The following PDXDC1 variants were observed in gnomAD, a reference collection of about 807,000 sequenced individuals.
PDXDC1 encodes pyridoxal-dependent decarboxylase domain-containing protein 1.
PDXDC1 carries 42 observed loss-of-function variants against 100.1 expected under a neutral mutation model. The ratio of observed to expected loss-of-function variants is 0.42; its 90% confidence interval spans 0.33 to 0.54. The LOEUF (loss-of-function observed/expected upper bound fraction) is 0.54, where lower values mean the gene tolerates loss of function less well. Ranked by LOEUF, PDXDC1 falls within the 20% of genes least tolerant of loss-of-function variation. The pLI, the probability that PDXDC1 is intolerant of heterozygous loss-of-function variation, is 0.10. For missense variants in PDXDC1, 636 were observed against 979.2 expected (o/e 0.65, Z 4.68); for synonymous variants, 260 against 371.7 (o/e 0.70, Z 3.46).
intron 1 of PDXDC1, among the ~76,000 whole-genome samples, chr16:14,982,842 C>T (rs1385933729): frequency 3.9e-5 from 6 of 152,336 alleles, no homozygotes; most frequent in South Asian, 2.1e-4. Context: ...TGTTTGTTTT[C>T]GCCTGGGAGG....
chr16:15,122,100 G>A (rs1433376463), intron 16 of PDXDC1, among the ~76,000 whole-genome samples: 1 of 151,672 alleles, frequency 6.6e-6, no homozygotes, highest in African/African-American at 2.4e-5. Context: ...GGAAGCGGAG[G>A]TTGCAGTGAG....
intron 3 of PDXDC1, among the ~76,000 whole-genome samples, chr16:15,001,218 G>A (rs1378568383): frequency 1.3e-5 from 2 of 152,260 alleles, no homozygotes; most frequent in Non-Finnish European, 2.9e-5. Context: ...GCTGGGCGTG[G>A]TGGCTCATGC....
At chr16:15,002,634 A>G (rs1973409297) in intron 4 of PDXDC1, among the ~76,000 whole-genome samples, 1 of 152,292 alleles carries the variant, frequency 6.6e-6, no homozygotes, top group Non-Finnish European at 1.5e-5. Context: ...GTCACTTCTC[A>G]TAGAAGCAGG....
At chr16:15,010,946 A>G (rs1223755542) in intron 8 of PDXDC1, among the ~76,000 whole-genome samples, 3 of 152,302 alleles carry the variant, frequency 2.0e-5, no homozygotes, top group Non-Finnish European at 4.4e-5. Flanking sequence ...AGAAGACCCA[A>G]GAACGATATG....
Position 15,037,776 on chromosome 16 carries a change from C to T in PDXDC1, c.*1501C>T, listed in dbSNP as rs1047862989. 7.8e-6 allele frequency: 3 copies of T among 386,338 alleles called. No individual in the cohort carries two copies. Among genetic ancestry groups the T allele is most frequent in the Non-Finnish European group, 9.2e-6 (2 of 218,174 alleles). 23.9% of individuals were successfully genotyped at this position (386,338 alleles called of 1,614,324 possible). On this transcript the variant is annotated 3_prime_UTR_variant, in exon 23 of 23. Transcript: ENST00000396410. ...GATAGACCAGTGAGAGGTAGGTTCTCCTCTGCCCGTTATTACCGACCAAAA... is the reference window on the plus strand; with the variant it reads ...GATAGACCAGTGAGAGGTAGGTTCTTCTCTGCCCGTTATTACCGACCAAAA...
intron 16 of PDXDC1, chr16:15,128,270 G>T (rs2047860966): frequency 6.2e-7 from 1 of 1,610,972 alleles, no homozygotes; most frequent in Non-Finnish European, 8.5e-7. Flanking sequence ...AGGCTGTGCG[G>T]GGTGGCGATC....
At chr16:15,060,298 A>G in intron 16 of PDXDC1, 1 of 252,980 alleles carries the variant, frequency 4.0e-6, no homozygotes, top group Non-Finnish European at 8.1e-6. Context: ...TAAAGTTCTC[A>G]AATTACTTTC....
intron 12 of PDXDC1, among the ~76,000 whole-genome samples, chr16:15,021,914 A>G (rs1429055637): frequency 6.6e-6 from 1 of 152,306 alleles, no homozygotes; most frequent in East Asian, 1.9e-4. Flanking sequence ...AAGTACTTTC[A>G]TGCATCATCT....
chr16:15,063,874 C>T (rs1221227698), intron 16 of PDXDC1, among the ~76,000 whole-genome samples: 3 of 152,010 alleles, frequency 2.0e-5, no homozygotes, highest in Admixed American at 1.3e-4. Context: ...CTAAACTTTA[C>T]AAAGACTCAC....
intron 16 of PDXDC1, chr16:15,094,236 G>C (rs1189807146): frequency 1.9e-6 from 3 of 1,581,568 alleles, no homozygotes; most frequent in Admixed American, 1.8e-5. Flanking sequence ...GCCGCCATTG[G>C]GCCGAACTAA....
intron 16 of PDXDC1, among the ~76,000 whole-genome samples, chr16:15,122,478 G>C (rs1423134160): frequency 1.5e-4 from 22 of 145,242 alleles, no homozygotes; most frequent in Non-Finnish European, 3.0e-4. Context: ...GCCCCCTAAA[G>C]TGCTGGGATT....
chr16:15,047,657 T>A (rs1597797363), intron 16 of PDXDC1: 1 of 972,656 alleles, frequency 1.0e-6, no homozygotes, highest in Non-Finnish European at 1.7e-6. Flanking sequence ...GAATATCCTG[T>A]AGGGGAAAAA....
intron 16 of PDXDC1, among the ~76,000 whole-genome samples, chr16:15,113,224 A>AT (rs2047139617): frequency 6.2e-5 from 1 of 16,004 alleles, no homozygotes; most frequent in Non-Finnish European, 1.8e-4. Context: ...TGAGAAAAGA[A>AT]AAAAAAAAAA....
At chr16:15,060,622 G>A (rs2044676586) in intron 16 of PDXDC1, 1 of 152,726 alleles carries the variant, frequency 6.5e-6, no homozygotes, top group Non-Finnish European at 1.5e-5. Flanking sequence ...AATGACTCTA[G>A]CAGTGTTTGC....
chr16:15,122,782 G>A (rs1201290822), intron 16 of PDXDC1, among the ~76,000 whole-genome samples: 1 of 140,308 alleles, frequency 7.1e-6, no homozygotes, highest in African/African-American at 2.6e-5. Flanking sequence ...GGGCAGGGGG[G>A]AGGGAAGGGG....
At chr16:14,982,994 C>G (rs1409141514) in intron 1 of PDXDC1, among the ~76,000 whole-genome samples, 1 of 152,238 alleles carries the variant, frequency 6.6e-6, no homozygotes, top group Admixed American at 6.5e-5. Context: ...TTATCTCAGC[C>G]GAAGGTAGGT....
chr16:15,088,371 G>C (rs2151819617), intron 16 of PDXDC1, among the ~76,000 whole-genome samples: 1 of 152,042 alleles, frequency 6.6e-6, no homozygotes, highest in Admixed American at 6.6e-5. Context: ...GGAGCCTGAG[G>C]TGGGAAGATT....
chr16:15,150,206 T>C, the PDXDC1 span, among the ~76,000 whole-genome samples: 1 of 151,850 alleles, frequency 6.6e-6, no homozygotes, highest in African/African-American at 2.4e-5. Context: ...TAGCTGGGCA[T>C]GGTGGCGGGC....
At chr16:15,123,392 C>G (rs1053880292) in intron 16 of PDXDC1, 5 of 1,104,478 alleles carry the variant, frequency 4.5e-6, no homozygotes, top group Non-Finnish European at 6.6e-6. Context: ...GGTGACAAAA[C>G]ATAAAAAACA....
Sources: gnomAD v4.1 joint callset for allele counts (sites outside exome capture counted in the v4.1 genomes callset) on GRCh38, gnomAD v4.1.1 for gene constraint, MANE v1.5 for transcripts, NCBI Gene and HGNC (gene_info 2026-07-23, HGNC 2026-07-21) for gene names.